LPGAT1: variants seen among roughly 807,000 people sequenced by gnomAD.
LPGAT1 encodes the protein acyl-CoA:lysophosphatidylglycerol acyltransferase 1.
LPGAT1 carries 11 observed loss-of-function variants against 47.5 expected under a neutral mutation model. The observed-to-expected ratio is 0.23, with a 90% confidence interval of 0.15 to 0.38. The LOEUF (loss-of-function observed/expected upper bound fraction) is 0.38. Ranked by LOEUF, LPGAT1 falls within the 10% of genes least tolerant of loss-of-function variation. LPGAT1 has a pLI of 1.00. For synonymous variants in LPGAT1, 138 were observed against 144.2 expected, an observed-to-expected ratio of 0.96 and a Z score of 0.31; for missense variants, 293 against 439.0, an observed-to-expected ratio of 0.67 and a Z score of 2.97.
chr1:211,798,678 C>G (rs1431286658), intron 2 of LPGAT1, among the ~76,000 whole-genome samples: 1 of 152,108 alleles, frequency 6.6e-6, no homozygotes, highest in Non-Finnish European at 1.5e-5. Context: ...TATAGACACT[C>G]TCTCTAAAAA....
intron 2 of LPGAT1, among the ~76,000 whole-genome samples, chr1:211,808,424 A>T (rs981457025): frequency 5.9e-5 from 9 of 152,100 alleles, no homozygotes; most frequent in Non-Finnish European, 1.2e-4. Flanking sequence ...TTAAGAAAAG[A>T]CTTGGACACT....
chr1:211,763,161 A>G (rs886475883), intron 6 of LPGAT1, among the ~76,000 whole-genome samples: 2 of 152,244 alleles, frequency 1.3e-5, no homozygotes, highest in Non-Finnish European at 2.9e-5. Context: ...GAAGAATGCT[A>G]TGGTTTGAAT....
chr1:211,830,462 G>A lies in LPGAT1; in HGVS notation c.-28+111C>T. The A allele has an allele frequency of 8.5e-7, 1 of 1,180,850 alleles. No individual in the cohort carries two copies. Among genetic ancestry groups the A allele is most frequent in the Non-Finnish European group, 1.0e-6 (1 of 952,784 alleles). 73.1% of individuals were successfully genotyped at this position (1,180,850 alleles called of 1,614,324 possible). ...CCGCGCCCTCGTCCCTCAGGCCGCTGCCGCCTCCCCGGGCCACGCGACGAC... is the reference window on the plus strand; with the variant it reads ...CCGCGCCCTCGTCCCTCAGGCCGCTACCGCCTCCCCGGGCCACGCGACGAC... On this transcript the variant is annotated intron_variant, in intron 1 of 7. Coordinates refer to ENST00000366997, the MANE Select transcript of LPGAT1 (RefSeq NM_014873.3). The surrounding 1 kb of genome is among the most constrained non-coding windows in gnomAD (Gnocchi z 5.9).
chr1:211,830,470 C>G lies in LPGAT1; in HGVS notation c.-28+103G>C. ...TCGTCCCTCAGGCCGCTGCCGCCTC[C>G]CCGGGCCACGCGACGACGACACCCC... On this transcript the variant is annotated intron_variant, in intron 1 of 7. Transcript: ENST00000366997. The surrounding 1 kb of genome is among the most constrained non-coding windows in gnomAD (Gnocchi z 5.9). 8.4e-7 allele frequency: 1 copy of G among 1,185,790 alleles called. No individual in the cohort carries two copies. The highest frequency in any genetic ancestry group is 1.0e-6 in the Non-Finnish European group (1 of 956,568). The allele number at this position is 1,185,790 out of a possible 1,614,324, so 73.5% of individuals were successfully genotyped here.
intron 2 of LPGAT1, among the ~76,000 whole-genome samples, chr1:211,822,296 A>G (rs1660389221): frequency 6.6e-6 from 1 of 152,200 alleles, no homozygotes; most frequent in Non-Finnish European, 1.5e-5. Context: ...TCAATTATAA[A>G]CTATCTTTGA....
At chr1:211,788,825 T>G (rs752013602) in intron 3 of LPGAT1, among the ~76,000 whole-genome samples, 1 of 152,132 alleles carries the variant, frequency 6.6e-6, no homozygotes, top group Admixed American at 6.6e-5. Flanking sequence ...TGCAATAAGC[T>G]CTACTTTGGT....
In LPGAT1 at chr1:211,828,200, TGTGCTAAAAGCCTCCACATCTGACAA is replaced by T. The variant is rs1660601751; in HGVS notation, c.238+833_238+858del. ...AGCCTGCCTATCAGGTAGGAATTTC[TGTGCTAAAAGCCTCCACATCTGACAA>T]GTGCTAAAAACCTCTATGATTTTTT... is the stretch of plus-strand genomic sequence containing the variant. On this transcript the variant is annotated intron_variant, in intron 2 of 7. Coordinates refer to ENST00000366997, the MANE Select transcript of LPGAT1 (RefSeq NM_014873.3). Among the ~76,000 whole-genome samples, 4 of 152,362 alleles carry T rather than the reference TGTGCTAAAAGCCTCCACATCTGACAA, an allele frequency of 2.6e-5. No individual in the cohort carries two copies. The South Asian group carries it at 8.3e-4, about 32-fold the overall frequency.
At chr1:211,756,039 A>G (rs763519592) in intron 6 of LPGAT1, among the ~76,000 whole-genome samples, 19 of 152,044 alleles carry the variant, frequency 1.2e-4, no homozygotes, top group Admixed American at 2.0e-4. Flanking sequence ...GGTTTGAGAC[A>G]AGCCTGGCCA....
intron 7 of LPGAT1, 63 bp from the exon 8 acceptor site, chr1:211,750,113 G>T: frequency 7.0e-7 from 1 of 1,424,678 alleles, no homozygotes; most frequent in Non-Finnish European, 9.8e-7. Flanking sequence ...TGGAATAAAA[G>T]TTGAATATTA....
chr1:211,764,905 C>T (rs948985836), intron 6 of LPGAT1, among the ~76,000 whole-genome samples: 1 of 152,184 alleles, frequency 6.6e-6, no homozygotes, highest in Non-Finnish European at 1.5e-5. Context: ...TCAAGGATAA[C>T]TGAGCCCTCC....
rs926937204 is a variant in LPGAT1, at chr1:211,775,188, G to T, written c.854+3730C>A. Among the ~76,000 whole-genome samples the T allele has an allele frequency of 3.8e-4, 58 of 152,140 alleles. 1 individual carries two copies. The highest frequency in any genetic ancestry group is 1.4e-3 in the African/African-American group (57 of 41,422). ...AAAATCTAGCCAGGCGTGGTGGCAG[G>T]TGCCTGCAAACCCAGCTATTTGTGA... On this transcript the variant is annotated intron_variant, in intron 6 of 7. Coordinates refer to ENST00000366997, the MANE Select transcript of LPGAT1 (RefSeq NM_014873.3).
At chr1:211,774,856 T>C (rs1658331806) in intron 6 of LPGAT1, among the ~76,000 whole-genome samples, 1 of 152,240 alleles carries the variant, frequency 6.6e-6, no homozygotes, top group Non-Finnish European at 1.5e-5. Context: ...AAATAAGTTA[T>C]TACATTCTTT....
At position 211,787,511 on chromosome 1, in the gene LPGAT1, C is replaced by G. The variant is rs117733553; in HGVS notation, c.453+121G>C. On this transcript the variant is annotated intron_variant, in intron 4 of 7. Coordinates refer to ENST00000366997, the MANE Select transcript of LPGAT1 (RefSeq NM_014873.3). The stretch of plus-strand genomic sequence containing the variant: ...TCTCAAAAAAAAAAAAAAAAAAAAG[C>G]TCCCTAAGACTGGTTAGAAGCAGCC... The G allele has an allele frequency of 3.0e-3, 1,067 of 356,982 alleles. 35 individuals carry two copies. The East Asian group carries it at 0.049, about 17-fold the overall frequency. 22.1% of individuals were successfully genotyped at this position (356,982 alleles called of 1,614,324 possible). A position where few individuals can be genotyped will look rare whatever the true frequency, so the allele number is the denominator to read the frequency against.
chr1:211,799,364 TTC>T (rs1473620320), intron 2 of LPGAT1, among the ~76,000 whole-genome samples: 2 of 152,320 alleles, frequency 1.3e-5, no homozygotes, highest in African/African-American at 4.8e-5. Flanking sequence ...TTACATTATT[TTC>T]TGATTTAATC....
chr1:211,787,229 C>T (rs1658917245), intron 4 of LPGAT1, among the ~76,000 whole-genome samples: 1 of 152,144 alleles, frequency 6.6e-6, no homozygotes, highest in African/African-American at 2.4e-5. Flanking sequence ...GCCAGTGGCT[C>T]ACACTTGTAA....
chr1:211,751,778 G>A (rs1284940697), intron 6 of LPGAT1, among the ~76,000 whole-genome samples: 1 of 152,076 alleles, frequency 6.6e-6, no homozygotes, highest in African/African-American at 2.4e-5. Flanking sequence ...CTTTATCAAA[G>A]GTATAAAGGC....
chr1:211,744,042 T>C lies in LPGAT1; in HGVS notation c.*5857A>G, dbSNP rs963647669. On this transcript the variant is annotated 3_prime_UTR_variant, in exon 8 of 8. Transcript: ENST00000366997. Reference sequence around the variant, plus strand: ...TTTAGAAATATGCAAGCTTCCCATGTATTTCAGTAAATGTTTTCTTTCTGT... The same window carrying C: ...TTTAGAAATATGCAAGCTTCCCATGCATTTCAGTAAATGTTTTCTTTCTGT... The C allele has an allele frequency of 6.6e-6, 1 of 152,228 alleles. No homozygotes were observed. Among genetic ancestry groups the C allele is most frequent in the Non-Finnish European group, 1.5e-5 (1 of 68,040 alleles). 9.4% of individuals were successfully genotyped at this position (152,228 alleles called of 1,614,324 possible). A position where few individuals can be genotyped will look rare whatever the true frequency, so the allele number is the denominator to read the frequency against.
chr1:211,751,763 G>A (rs1657196131), intron 6 of LPGAT1, among the ~76,000 whole-genome samples: 1 of 152,028 alleles, frequency 6.6e-6, no homozygotes, highest in African/African-American at 2.4e-5. Flanking sequence ...GGGATTTTTT[G>A]TCCCCTTTAT....
intron 2 of LPGAT1, among the ~76,000 whole-genome samples, chr1:211,804,947 G>C (rs1223982862): frequency 2.6e-5 from 4 of 152,114 alleles, no homozygotes; most frequent in Non-Finnish European, 5.9e-5. Context: ...CATTGTAGAA[G>C]ACATGAAGAC....
Sources: gnomAD v4.1 joint callset for allele counts (sites outside exome capture counted in the v4.1 genomes callset) on GRCh38, gnomAD v4.1.1 for gene constraint, Gnocchi (gnomAD v3.1) non-coding constraint, MANE v1.5 for transcripts, NCBI Gene and HGNC (gene_info 2026-07-23, HGNC 2026-07-21) for gene names.